Variants in TRMT11 observed in about 807,000 individuals in gnomAD.
TRMT11 encodes the protein tRNA (guanine(10)-N(2))-methyltransferase TRMT11.
TRMT11 carries 53 observed loss-of-function variants against 62.8 expected under a neutral mutation model. That is an observed-to-expected ratio of 0.84 (90% confidence interval 0.68 to 1.06). The LOEUF is 1.06. Ranked by LOEUF, TRMT11 falls within the 50% of genes least tolerant of loss-of-function variation. TRMT11 has a pLI of 0.00. For synonymous variants in TRMT11, 188 were observed against 190.3 expected (o/e 0.99, Z 0.10); for missense variants, 556 against 553.4 (o/e 1.00, Z -0.05).
At chr6:126,259,495 C>A in the TRMT11 span, among the ~76,000 whole-genome samples, 1 of 152,222 alleles carries the variant, frequency 6.6e-6, no homozygotes, top group Non-Finnish European at 1.5e-5. Flanking sequence ...CCGCACCTGG[C>A]CTGCACCACA....
chr6:126,039,454 T>C (rs552439671), downstream of TRMT11, among the ~76,000 whole-genome samples: 1 of 152,204 alleles, frequency 6.6e-6, no homozygotes, highest in African/African-American at 2.4e-5. Flanking sequence ...AGCTCTTTTG[T>C]ACCTTGGATT....
chr6:126,079,315 C>T (rs1358098609), intron 17 of TRMT11, among the ~76,000 whole-genome samples: 2 of 152,104 alleles, frequency 1.3e-5, no homozygotes, highest in Non-Finnish European at 2.9e-5. Context: ...ACACCATGCT[C>T]TTGTGAGCTG....
Position 125,990,461 on chromosome 6 carries a change from T to C in TRMT11, c.73-3296T>C, listed in dbSNP as rs533033053. On this transcript the variant is annotated intron_variant, in intron 1 of 12. Coordinates refer to ENST00000334379, the MANE Select transcript of TRMT11 (RefSeq NM_001031712.3). ...CTCTGGGGGGCCCTTTCTCTTTTTT[T>C]CCCTTTCTATCGGGCACTCAGAAGG... 1.7e-4 allele frequency among the ~76,000 whole-genome samples: 26 copies of C among 152,314 alleles called. No homozygotes were observed. The South Asian group carries it at 5.0e-3, about 29-fold the overall frequency.
chr6:126,247,565 A>T, the TRMT11 span, among the ~76,000 whole-genome samples: 2 of 146,702 alleles, frequency 1.4e-5, no homozygotes, highest in Non-Finnish European at 3.0e-5. Flanking sequence ...TAAATATATA[A>T]ATATATATAT....
intron 1 of TRMT11, among the ~76,000 whole-genome samples, chr6:126,177,850 C>T (rs1778405622): frequency 6.6e-6 from 1 of 152,100 alleles, no homozygotes; most frequent in East Asian, 1.9e-4. Context: ...TACAGCCTCT[C>T]TCAATGCAAA....
rs139696952 is a variant in TRMT11, at chr6:125,986,571, T to A, written c.21T>A (p.Leu7=). 6.3e-4 allele frequency: 1,010 copies of A among 1,592,238 alleles called. No individual in the cohort carries two copies. The highest frequency in any genetic ancestry group is 8.1e-4 in the Non-Finnish European group (945 of 1,171,536). ...CTGCAATGGCGCTGTCGTGTACCCT[T>A]AACAGGTATCTGCTCCTCATGGCGC... MALSCT[L]NRYLLLMAQE... Residue 7 remains leucine (L), a synonymous_variant, in exon 1 of 13, where the codon CTT becomes CTA. Transcript: ENST00000334379.
At chr6:125,999,004 T>G (rs949037528) in intron 6 of TRMT11, among the ~76,000 whole-genome samples, 1 of 149,824 alleles carries the variant, frequency 6.7e-6, no homozygotes, top group African/African-American at 2.4e-5. Context: ...AAACACAGAG[T>G]GCTGTGGTAG....
intron 21 of TRMT11, among the ~76,000 whole-genome samples, chr6:126,128,197 G>A (rs1270188585): frequency 1.3e-5 from 2 of 151,966 alleles, no homozygotes; most frequent in Non-Finnish European, 2.9e-5. Flanking sequence ...ATTAATCATT[G>A]GAGTGAATTA....
At chr6:126,076,802 A>T (rs934351107) in intron 17 of TRMT11, among the ~76,000 whole-genome samples, 1 of 152,164 alleles carries the variant, frequency 6.6e-6, no homozygotes, top group African/African-American at 2.4e-5. Context: ...TTTAATTAGC[A>T]GTCAGCTAAT....
At chr6:126,043,625 C>A (rs1204914345), downstream of TRMT11, among the ~76,000 whole-genome samples, 1 of 152,112 alleles carries the variant, frequency 6.6e-6, no homozygotes, top group Admixed American at 6.5e-5. Context: ...TGAGGAATTG[C>A]CACACTGACT....
intron 21 of TRMT11, among the ~76,000 whole-genome samples, chr6:126,120,337 G>T (rs1406432083): frequency 6.6e-6 from 1 of 151,954 alleles, no homozygotes; most frequent in Non-Finnish European, 1.5e-5. Context: ...GTAAAAGAAA[G>T]GAATTTTAAT....
Position 126,063,079 on chromosome 6 carries a change from C to T in TRMT11, c.*1437+9889C>T, listed in dbSNP as rs145610072. Among the ~76,000 whole-genome samples the T allele has an allele frequency of 1.9e-3, 296 of 151,882 alleles. 2 individuals carry two copies. The highest frequency in any genetic ancestry group is 6.8e-3 in the African/African-American group (281 of 41,408). On this transcript the variant is annotated intron_variant and NMD_transcript_variant, in intron 17 of 22. Coordinates refer to the TRMT11 transcript ENST00000648977. ...TATCATGTGATCACATTTTATAATC[C>T]GTTATTTATAATAATGTTACATATA...
chr6:126,185,709 A>C (rs1323120511), intron 1 of TRMT11, among the ~76,000 whole-genome samples: 1 of 152,172 alleles, frequency 6.6e-6, no homozygotes, highest in Non-Finnish European at 1.5e-5. Context: ...GCTATGAAGA[A>C]ATACCTGAGA....
At chr6:126,013,152 G>A (rs199747953) in intron 11 of TRMT11, 51 bp downstream of exon 11, 76 of 1,508,948 alleles carry the variant, frequency 5.0e-5, no homozygotes, top group Non-Finnish European at 5.1e-5. Context: ...CAATGTTTGC[G>A]TATCTAGTAT....
At chr6:125,987,304 G>C (rs1789810385) in intron 1 of TRMT11, 1 of 152,236 alleles carries the variant, frequency 6.6e-6, no homozygotes, top group South Asian at 2.1e-4. Flanking sequence ...GCTTCCAGAG[G>C]AGATGACACT....
rs752934764 is a variant in TRMT11, at chr6:125,999,407, TAA to T, written c.523-49_523-48del. 92 of 1,434,702 alleles carry T rather than the reference TAA, an allele frequency of 6.4e-5. No individual in the cohort carries two copies. In the East Asian group the frequency reaches 1.7e-3, roughly 27 times the overall value. The allele number at this position is 1,434,702 out of a possible 1,614,324, so 88.9% of individuals were successfully genotyped here. A position where few individuals can be genotyped will look rare whatever the true frequency, so the allele number is the denominator to read the frequency against. ...ATGGTCTTATTGTGAGTGATTATCT[TAA>T]GTCTATTCTGTATGGCTATACTAAC... On this transcript the variant is annotated intron_variant, in intron 6 of 12. Transcript: ENST00000334379.
chr6:126,114,931 G>A (rs1251977336), intron 19 of TRMT11, among the ~76,000 whole-genome samples: 1 of 151,946 alleles, frequency 6.6e-6, no homozygotes, highest in Non-Finnish European at 1.5e-5. Flanking sequence ...AAGTCACCCT[G>A]GGCACCGAGT....
chr6:126,162,793 G>T (rs1211665448), intron 21 of TRMT11, among the ~76,000 whole-genome samples: 1 of 152,094 alleles, frequency 6.6e-6, no homozygotes, highest in Admixed American at 6.5e-5. Flanking sequence ...TTGTAAGTTG[G>T]ATTCCTAGGT....
At chr6:126,255,007 A>G in the TRMT11 span, among the ~76,000 whole-genome samples, 1 of 152,176 alleles carries the variant, frequency 6.6e-6, no homozygotes, top group Admixed American at 6.5e-5. Context: ...ATTTTTTAAA[A>G]ATAAAAAATA....
Sources: allele counts gnomAD v4.1 joint callset (sites outside exome capture counted in the v4.1 genomes callset), GRCh38; gene constraint gnomAD v4.1.1; transcripts MANE v1.5; gene names NCBI Gene and HGNC (gene_info 2026-07-23, HGNC 2026-07-21).